SRCAP: variants seen among roughly 807,000 people sequenced by gnomAD.
SRCAP encodes the protein Snf2 related CREBBP activator protein.
SRCAP carries 46 observed loss-of-function variants against 263.1 expected under a neutral mutation model. That is an observed-to-expected ratio of 0.17 (90% CI 0.14 to 0.22). SRCAP has a LOEUF of 0.22. SRCAP is among the 10% of genes least tolerant of loss of function. The pLI, the probability that SRCAP is intolerant of heterozygous loss-of-function variation, is 1.00. For synonymous variants in SRCAP, 1,813 were observed against 1,662.1 expected, an observed-to-expected ratio of 1.09 and a Z score of -2.21; for missense variants, 3,695 against 4,181.9, an observed-to-expected ratio of 0.88 and a Z score of 3.21.
At chr16:30,725,939 A>G (rs1441195313) in intron 25 of SRCAP, 2 of 151,986 alleles carry the variant, frequency 1.3e-5, no homozygotes, top group African/African-American at 4.8e-5. Context: ...ACTGTACAAT[A>G]GGTTTTTAAT....
chr16:30,712,690 C>G lies in SRCAP; in HGVS notation c.2005C>G (p.Pro669Ala). The change falls in exon 14 of 34, where the codon CCC becomes GCC. Residue 669 changes from proline to alanine, a missense_variant. By Grantham distance (27) the Pro-to-Ala change is conservative. Around this residue, in one of 12 missense-constraint regions of SRCAP, gnomAD observed 121 missense variants for 330.7 expected, o/e 0.37. Transcript: ENST00000262518. ...TTTTTGCCTAACAGGTAACTGGGGT[C>G]CCCATTTAATCATTGTTCCCACCAG... Reference protein sequence around the residue: ...HLACEKGNWGPHLIIVPTSVM... With the variant: ...HLACEKGNWGAHLIIVPTSVM... The G allele has an allele frequency of 6.2e-7, 1 of 1,613,856 alleles. No homozygotes were observed. The highest frequency in any genetic ancestry group is 8.5e-7 in the Non-Finnish European group (1 of 1,179,944).
intron 25 of SRCAP, among the ~76,000 whole-genome samples, chr16:30,726,508 C>T (rs1171534802): frequency 6.6e-6 from 1 of 151,300 alleles, no homozygotes; most frequent in African/African-American, 2.4e-5. Flanking sequence ...AGTTTCTCCA[C>T]ATTTGAGCCA....
At chr16:30,736,652 A>G (rs374197298) in intron 33 of SRCAP, 28 bp downstream of exon 33, 1 of 1,607,870 alleles carries the variant, frequency 6.2e-7, no homozygotes, top group South Asian at 1.1e-5. Context: ...TGGGGCTGGC[A>G]GTTGGAAGCT....
Position 30,711,696 on chromosome 16 carries a change from C to A in SRCAP, c.1444C>A (p.Pro482Thr), listed in dbSNP as rs1320114101. The A allele has an allele frequency of 5.6e-6, 9 of 1,613,900 alleles. No homozygotes were observed. The highest frequency in any genetic ancestry group is 2.2e-5 in the South Asian group (2 of 91,076). The stretch of plus-strand genomic sequence containing the variant: ...TAGCTCTGACTGTGAACCAGAGGGG[C>A]CCGTGGAAGCGGAAGAGCCTCCTCA... Reference protein sequence around the residue: ...ANSSDCEPEGPVEAEEPPQED... With the variant: ...ANSSDCEPEGTVEAEEPPQED... Residue 482 changes from proline (P) to threonine (T), a missense_variant, in exon 11 of 34, where the codon CCC becomes ACC. By Grantham distance (38) the Pro-to-Thr change is conservative (BLOSUM62 -1). Around this residue, in one of 12 missense-constraint regions of SRCAP, gnomAD observed 288 missense variants for 302.4 expected, o/e 0.95. Transcript: ENST00000262518.
chr16:30,739,845 T>A lies in SRCAP; in HGVS notation c.*112T>A. The stretch of plus-strand genomic sequence containing the variant: ...GAGGGGGAAAGCCTCCAGGGAGACA[T>A]AGGGGCCTTCTCCCTTCTTCCCACC... On this transcript the variant is annotated 3_prime_UTR_variant, in exon 34 of 34. Transcript: ENST00000262518. 1.4e-6 allele frequency: 2 copies of A among 1,401,194 alleles called. No homozygotes were observed. The highest frequency in any genetic ancestry group is 5.4e-5 in the East Asian group (2 of 37,302). The allele number at this position is 1,401,194 out of a possible 1,614,324, so 86.8% of individuals were successfully genotyped here.
intron 15 of SRCAP, 65 bp from the exon 16 acceptor site, chr16:30,713,454 A>G: frequency 3.1e-6 from 5 of 1,611,234 alleles, no homozygotes; most frequent in Non-Finnish European, 4.2e-6. Flanking sequence ...GGAATGTATC[A>G]GAATGCTCAG....
At chr16:30,711,355 A>G (rs2052889160) in intron 10 of SRCAP, among the ~76,000 whole-genome samples, 1 of 152,218 alleles carries the variant, frequency 6.6e-6, no homozygotes, top group South Asian at 2.1e-4. Context: ...TGAGAGGCTC[A>G]CCAGGTTGAT....
rs774208043 is a variant in SRCAP, at chr16:30,716,329, C to T, written c.2667C>T (p.Ser889=). The T allele has an allele frequency of 7.4e-6, 12 of 1,614,018 alleles. No individual in the cohort carries two copies. Among genetic ancestry groups the T allele is most frequent in the South Asian group, 1.1e-5 (1 of 91,092 alleles). The change falls in exon 18 of 34, where the codon AGC becomes AGT. Residue 889 remains serine, a synonymous_variant. Coordinates refer to ENST00000262518, the MANE Select transcript of SRCAP (RefSeq NM_006662.3). ...CACTAGCCACAGGCCATTTCATGAG[C>T]GTCATCAACATTTTGATGCAGCTGA... ...KETLATGHFM[S]VINILMQLRK...
rs376060074 is a variant in SRCAP at position 30,733,238 on chromosome 16, C to T, written c.6128-42C>T. 27 of 1,599,194 alleles carry T rather than the reference C, an allele frequency of 1.7e-5. No individual in the cohort carries two copies. In the African/African-American group the frequency reaches 2.0e-4, roughly 12 times the overall value. On this transcript the variant is annotated intron_variant, in intron 27 of 33. Transcript: ENST00000262518. The surrounding 1 kb of genome is among the most constrained non-coding windows in gnomAD (Gnocchi z 5.3). ...GCATTGCTAAGCATTCTACCCATTG[C>T]GGCTTGTAGCTAGCTCCCTGTATCC...
intron 25 of SRCAP, among the ~76,000 whole-genome samples, chr16:30,726,631 C>A (rs569265248): frequency 1.3e-5 from 2 of 152,050 alleles, no homozygotes; most frequent in African/African-American, 4.8e-5. Flanking sequence ...AGTGACCCCA[C>A]CTCAACCTCC....
chr16:30,705,401 A>G (rs568650560), intron 4 of SRCAP, among the ~76,000 whole-genome samples: 3 of 151,850 alleles, frequency 2.0e-5, no homozygotes, highest in Non-Finnish European at 4.4e-5. Context: ...TTTTTATTTT[A>G]TTTATTTATT....
In SRCAP at chr16:30,736,181, CT is replaced by C; in HGVS notation, c.6730-15del. 6.2e-7 allele frequency: 1 copy of C among 1,611,372 alleles called. No homozygotes were observed. Among genetic ancestry groups the C allele is most frequent in the Middle Eastern group, 1.7e-4 (1 of 6,046 alleles). On this transcript the variant is annotated intron_variant, in intron 31 of 33. Coordinates refer to ENST00000262518, the MANE Select transcript of SRCAP (RefSeq NM_006662.3). ...ACTTGAAGTCTCATGTTTTCTTTTT[CT>C]TTTATACACCCTGGTAGGCATTGTG...
Position 30,737,179 on chromosome 16 carries a change from G to T in SRCAP, c.7139G>T (p.Arg2380Leu), listed in dbSNP as rs761858529. Residue 2380 changes from arginine (R) to leucine (L), a missense_variant, in exon 34 of 34, where the codon CGG becomes CTG. Coordinates refer to ENST00000262518, the MANE Select transcript of SRCAP (RefSeq NM_006662.3). ...SSCGTGGGTH[R>L]RSKKAKAPER... Reference sequence around the variant, plus strand: ...TGTGGGACTGGTGGAGGCACCCACCGGCGCAGTAAAAAGGCCAAAGCCCCT... The same window carrying T: ...TGTGGGACTGGTGGAGGCACCCACCTGCGCAGTAAAAAGGCCAAAGCCCCT... 6.2e-7 allele frequency: 1 copy of T among 1,614,044 alleles called. No homozygotes were observed. Among genetic ancestry groups the T allele is most frequent in the Non-Finnish European group, 8.5e-7 (1 of 1,179,996 alleles).
chr16:30,735,348 G>A (rs1047001777), intron 31 of SRCAP, among the ~76,000 whole-genome samples: 2 of 150,418 alleles, frequency 1.3e-5, no homozygotes, highest in African/African-American at 2.4e-5. Context: ...GGGTTTCACC[G>A]TTTTAGCCGG....
rs568088663 is a variant in SRCAP at position 30,738,352 on chromosome 16, G to A, written c.8312G>A (p.Arg2771Gln). ...KELVRRRRQQ[R>Q]GAASTLVPGV... The stretch of plus-strand genomic sequence containing the variant: ...CTGGTGCGGCGGCGGCGGCAGCAGC[G>A]GGGAGCTGCCAGCACCCTAGTGCCT... Residue 2771 changes from arginine to glutamine, a missense_variant, in exon 34 of 34, where the codon CGG (arginine) becomes CAG (glutamine). Physicochemically the swap from Arg to Gln is conservative, Grantham distance 43 (BLOSUM62 1). This residue lies in a region of SRCAP where 1,207 missense variants were observed against 1,142.9 expected (regional missense o/e 1.06). Transcript: ENST00000262518. 19 of 1,569,828 alleles carry A rather than the reference G, an allele frequency of 1.2e-5. No homozygotes were observed. Among genetic ancestry groups the A allele is most frequent in the African/African-American group, 5.4e-5 (4 of 73,760 alleles).
At chr16:30,712,915 A>C in intron 14 of SRCAP, 100 bp downstream of exon 14, 1 of 1,440,738 alleles carries the variant, frequency 6.9e-7, no homozygotes. Flanking sequence ...TCTTTTTTAA[A>C]AAAAATTTTT....
At chr16:30,730,902 T>C (rs2053108768) in intron 27 of SRCAP, among the ~76,000 whole-genome samples, 1 of 152,132 alleles carries the variant, frequency 6.6e-6, no homozygotes, top group Admixed American at 6.6e-5. Context: ...ACTCCTGACC[T>C]CGTGATCCCC....
rs771182909 is a variant in SRCAP, at chr16:30,707,687, G to A, written c.608G>A (p.Arg203Lys). 5 of 1,614,084 alleles carry A rather than the reference G, an allele frequency of 3.1e-6. No individual in the cohort carries two copies. The Admixed American group carries it at 5.0e-5, about 16-fold the overall frequency. Residue 203 changes from arginine (R) to lysine (K), a missense_variant, in exon 6 of 34, where the codon AGG (arginine) becomes AAG (lysine). Physicochemically the swap from Arg to Lys is conservative, Grantham distance 26. Transcript: ENST00000262518. ...GCTTCCACCATGGCCAAGGATGTCAGGCAGTTCTGGAGCAATGTGGAGAAG... is the reference window on the plus strand; with the variant it reads ...GCTTCCACCATGGCCAAGGATGTCAAGCAGTTCTGGAGCAATGTGGAGAAG... ...RIASTMAKDV[R>K]QFWSNVEKVV... is the part of the protein sequence containing the mutation.
rs1356313610 is a variant in SRCAP, at chr16:30,711,027, T to C, written c.1257T>C (p.Ala419=). 6.2e-7 allele frequency: 1 copy of C among 1,613,988 alleles called. No individual in the cohort carries two copies. The highest frequency in any genetic ancestry group is 8.5e-7 in the Non-Finnish European group (1 of 1,180,016). The change falls in exon 10 of 34, where the codon GCT becomes GCC. Residue 419 remains alanine (A), a synonymous_variant. Transcript: ENST00000262518. Reference sequence around the variant, plus strand: ...AGGATGAAGAGGATACTATAGCAGCTGAGGAACAGTTGGAAGGGGAGGTGG... The same window carrying C: ...AGGATGAAGAGGATACTATAGCAGCCGAGGAACAGTTGGAAGGGGAGGTGG... ...EAEDEEDTIA[A]EEQLEGEVDH...
Sources: gnomAD v4.1 joint callset for allele counts (sites outside exome capture counted in the v4.1 genomes callset) on GRCh38, gnomAD v4.1.1 for gene constraint, gnomAD v4.1.1 regional missense constraint, Gnocchi (gnomAD v3.1) non-coding constraint, MANE v1.5 for transcripts, NCBI Gene and HGNC (gene_info 2026-07-23, HGNC 2026-07-21) for gene names.